PRIM1: variants seen among roughly 807,000 people sequenced by gnomAD.
PRIM1 encodes the protein DNA primase small subunit.
PRIM1 carries 38 observed loss-of-function variants against 60.2 expected under a neutral mutation model. The observed-to-expected ratio is 0.63, with a 90% CI of 0.49 to 0.83. The LOEUF (loss-of-function observed/expected upper bound fraction) is 0.83, where lower values mean the gene tolerates loss of function less well. Ranked by LOEUF, PRIM1 falls within the 40% of genes least tolerant of loss-of-function variation. The probability of loss-of-function intolerance (pLI) is 0.00; values close to 1 mark genes in which losing one functional copy is unlikely to be tolerated. For synonymous variants in PRIM1, 158 were observed against 160.2 expected (o/e 0.99, Z 0.10); for missense variants, 388 against 506.2 (o/e 0.77, Z 2.24).
intron 7 of PRIM1, 86 bp downstream of exon 7, chr12:56,742,901 G>A: frequency 1.0e-6 from 1 of 977,388 alleles, no homozygotes; most frequent in Middle Eastern, 3.2e-4. Flanking sequence ...AAGTATATGA[G>A]AACTTACAAG....
chr12:56,740,936 CTT>C (rs911359404), intron 9 of PRIM1, among the ~76,000 whole-genome samples: 1 of 152,058 alleles, frequency 6.6e-6, no homozygotes, highest in Middle Eastern at 3.2e-3. Flanking sequence ...GCCTCAGCCT[CTT>C]GAGTAGCTGG....
Position 56,741,745 on chromosome 12 carries a change from C to T in PRIM1, c.840+1G>A. On this transcript the variant is annotated splice_donor_variant, in intron 8 of 12. Transcript: ENST00000338193. LOFTEE classifies it high-confidence loss of function. Reference sequence around the variant, plus strand: ...GTAATACAGATTTCAGTGGCATATACCTGATATCTGCTGGCTACTTTCTTC... The same window carrying T: ...GTAATACAGATTTCAGTGGCATATATCTGATATCTGCTGGCTACTTTCTTC... 2 of 1,612,356 alleles carry T rather than the reference C, an allele frequency of 1.2e-6. No homozygotes were observed. The highest frequency in any genetic ancestry group is 8.5e-7 in the Non-Finnish European group (1 of 1,178,538).
intron 8 of PRIM1, 47 bp from the exon 9 acceptor site, chr12:56,741,623 A>C: frequency 6.3e-7 from 1 of 1,586,068 alleles, no homozygotes; most frequent in Non-Finnish European, 8.6e-7. Context: ...GGAACTGTTG[A>C]AGATTTCTTT....
chr12:56,737,232 C>T (rs1340385549), intron 11 of PRIM1, among the ~76,000 whole-genome samples: 2 of 152,138 alleles, frequency 1.3e-5, no homozygotes, highest in Non-Finnish European at 2.9e-5. Flanking sequence ...AAAAAAGTTT[C>T]ATCCTGGAAC....
At chr12:56,751,014 A>T in intron 2 of PRIM1, 24 bp downstream of exon 2, 2 of 1,385,890 alleles carry the variant, frequency 1.4e-6, no homozygotes, top group Non-Finnish European at 1.9e-6. Context: ...AAACAACAAA[A>T]TATATTAAAA....
chr12:56,743,567 T>C (rs886081957), intron 6 of PRIM1: 13 of 156,520 alleles, frequency 8.3e-5, no homozygotes, highest in African/African-American at 2.9e-4. Context: ...GAGTGCATGC[T>C]GTTCTCCCCA....
chr12:56,732,355 A>C lies in PRIM1; in HGVS notation c.1244-621T>G, dbSNP rs3782234. Among the ~76,000 whole-genome samples, 39 of 151,948 alleles carry C rather than the reference A, an allele frequency of 2.6e-4. No homozygotes were observed. The East Asian group carries it at 7.2e-3, about 28-fold the overall frequency. On this transcript the variant is annotated intron_variant, in intron 12 of 12. Coordinates refer to ENST00000338193, the MANE Select transcript of PRIM1 (RefSeq NM_000946.3). ...TATAACATTTTCCCTTCCATCTTTC[A>C]TCTCTTCACTTCTAAATCATTAGCA...
chr12:56,746,225 C>T, intron 4 of PRIM1, 44 bp from the exon 5 acceptor site: 2 of 1,572,528 alleles, frequency 1.3e-6, no homozygotes, highest in Middle Eastern at 1.7e-4. Context: ...AATCTATAAA[C>T]TCCTTAATTA....
At chr12:56,740,331 C>T (rs1160479542) in intron 9 of PRIM1, among the ~76,000 whole-genome samples, 1 of 151,904 alleles carries the variant, frequency 6.6e-6, no homozygotes, top group African/African-American at 2.4e-5. Context: ...ATAGATGAAA[C>T]TATAATATTT....
At chr12:56,750,801 C>G (rs938354125) in intron 2 of PRIM1, among the ~76,000 whole-genome samples, 1 of 152,056 alleles carries the variant, frequency 6.6e-6, no homozygotes, top group African/African-American at 2.4e-5. Context: ...TTCCTAGTAG[C>G]TAGATACTCA....
At chr12:56,737,474 C>T (rs1216942803) in intron 11 of PRIM1, among the ~76,000 whole-genome samples, 1 of 151,832 alleles carries the variant, frequency 6.6e-6, no homozygotes, top group African/African-American at 2.4e-5. Flanking sequence ...CTCTGCCTTC[C>T]GAGCAGCTGG....
Position 56,741,822 on chromosome 12 carries a change from A to G in PRIM1, c.764T>C (p.Leu255Pro). ...GTGAGACTTTTGGAAGCTTTGTTGA[A>G]GTTCATCATGAATTGGTGATGGGTC... ...ALVPETIHDELQQSFQKSHNS... is the reference protein window; with the variant it reads ...ALVPETIHDEPQQSFQKSHNS... Residue 255 changes from leucine (L) to proline (P), a missense_variant, in exon 8 of 13, where the codon CTT becomes CCT. By Grantham distance (98) the Leu-to-Pro change is moderately conservative. Around this residue, in one of 3 missense-constraint regions of PRIM1, gnomAD observed 211 missense variants for 277.9 expected, o/e 0.76. Transcript: ENST00000338193. 1 of 1,613,988 alleles carries G rather than the reference A, an allele frequency of 6.2e-7. No homozygotes were observed. Among genetic ancestry groups the G allele is most frequent in the Non-Finnish European group, 8.5e-7 (1 of 1,179,884 alleles).
intron 11 of PRIM1, among the ~76,000 whole-genome samples, chr12:56,736,158 C>T (rs1298777386): frequency 6.7e-6 from 1 of 150,268 alleles, no homozygotes. Context: ...ATTAGCTGGA[C>T]GTCGTGGCGG....
In PRIM1 at chr12:56,736,298, T is replaced by TAAAAAAAAA. The variant is rs756452647; in HGVS notation, c.1145-2062_1145-2054dup. 8.0e-3 allele frequency among the ~76,000 whole-genome samples: 195 copies of TAAAAAAAAA among 24,318 alleles called. 32 individuals are homozygous for TAAAAAAAAA. Among genetic ancestry groups the TAAAAAAAAA allele is most frequent in the African/African-American group, 0.019 (85 of 4,440 alleles). The allele number at this position is 24,318 out of a possible 152,430, so 16.0% of individuals were successfully genotyped here. ...GGGTGACAGAGTAAGACTCTTTCTCTAAAAAAAAAAAAAAAAAAAAAAAAA... is the reference window on the plus strand; with the variant it reads ...GGGTGACAGAGTAAGACTCTTTCTCTAAAAAAAAAAAAAAAAAAAAAAAAAAAAAAAAAA... On this transcript the variant is annotated intron_variant, in intron 11 of 12. Transcript: ENST00000338193.
At chr12:56,744,175 T>C in intron 5 of PRIM1, 52 bp from the exon 6 acceptor site, 17 of 1,328,464 alleles carry the variant, frequency 1.3e-5, no homozygotes, top group Non-Finnish European at 1.8e-5. Context: ...ATAAATACAG[T>C]CATGTGCAGC....
rs751108981 is a variant in PRIM1 at position 56,744,067 on chromosome 12, G to C, written c.636C>G (p.Ile212Met). The C allele has an allele frequency of 1.2e-5, 19 of 1,569,124 alleles. No individual in the cohort carries two copies. Among genetic ancestry groups the C allele is most frequent in the East Asian group, 1.1e-4 (5 of 43,536 alleles). Residue 212 changes from isoleucine to methionine, a missense_variant and splice_region_variant, in exon 6 of 13, where the codon ATC becomes ATG. By Grantham distance (10) the Ile-to-Met change is conservative. This residue lies in a region of PRIM1 where 211 missense variants were observed against 277.9 expected (regional missense o/e 0.76). Transcript: ENST00000338193. Reference sequence around the variant, plus strand: ...GCTTGGAGACTTTTCCAACAGACCTGATAAAAGGGTGAATTTTTTCACTTA... The same window carrying C: ...GCTTGGAGACTTTTCCAACAGACCTCATAAAAGGGTGAATTTTTTCACTTA... ...VHLSEKIHPF[I>M]RKSINIIKKY... is the part of the protein sequence containing the mutation.
At chr12:56,734,756 C>T (rs1176612729) in intron 11 of PRIM1, among the ~76,000 whole-genome samples, 1 of 143,794 alleles carries the variant, frequency 7.0e-6, no homozygotes, top group Non-Finnish European at 1.5e-5. Context: ...ATGATACTCT[C>T]TTTCATACAA....
chr12:56,734,342 C>A, intron 11 of PRIM1, 97 bp from the exon 12 acceptor site: 3 of 679,666 alleles, frequency 4.4e-6, no homozygotes, highest in East Asian at 2.7e-5. Context: ...CTAGGGCTGC[C>A]CAATTGAAAT....
chr12:56,747,621 C>G (rs1565907116), intron 2 of PRIM1, among the ~76,000 whole-genome samples: 1 of 152,172 alleles, frequency 6.6e-6, no homozygotes, highest in Non-Finnish European at 1.5e-5. Flanking sequence ...TGGCATATGC[C>G]TGTAGTCCCA....
Sources: gnomAD v4.1 joint callset for allele counts (sites outside exome capture counted in the v4.1 genomes callset) on GRCh38, gnomAD v4.1.1 for gene constraint, gnomAD v4.1.1 regional missense constraint, MANE v1.5 for transcripts, NCBI Gene and HGNC (gene_info 2026-07-23, HGNC 2026-07-21) for gene names.